Variants in TMEM132D observed in about 807,000 individuals in gnomAD.
TMEM132D encodes the protein transmembrane protein 132D.
Under a neutral mutation model 62.3 loss-of-function variants are expected in TMEM132D, and 21 were observed. The observed-to-expected ratio is 0.34, with a 90% confidence interval of 0.24 to 0.49. The LOEUF (loss-of-function observed/expected upper bound fraction) is 0.49, where lower values mean the gene tolerates loss of function less well. Among genes scored for constraint, TMEM132D ranks in the 20% least tolerant of loss-of-function variants. The pLI is 0.99. For missense variants in TMEM132D, 1,346 were observed against 1,402.8 expected (o/e 0.96, Z 0.65); for synonymous variants, 621 against 575.6 (o/e 1.08, Z -1.13).
At chr12:129,179,141 A>G (rs1877992065) in intron 5 of TMEM132D, among the ~76,000 whole-genome samples, 1 of 152,194 alleles carries the variant, frequency 6.6e-6, no homozygotes, top group Non-Finnish European at 1.5e-5. Context: ...CAGCGTACAG[A>G]AACGGGATGT....
At chr12:129,778,662 G>A (rs1168656408) in intron 1 of TMEM132D, among the ~76,000 whole-genome samples, 1 of 152,250 alleles carries the variant, frequency 6.6e-6, no homozygotes, top group African/African-American at 2.4e-5. Context: ...TGGAATTGGT[G>A]ACTGTAAACA....
At chr12:129,425,638 C>T (rs1055265420) in intron 3 of TMEM132D, among the ~76,000 whole-genome samples, 1 of 152,148 alleles carries the variant, frequency 6.6e-6, no homozygotes, top group Non-Finnish European at 1.5e-5. Context: ...GAATGTTGCT[C>T]CTATCTGACA....
chr12:129,524,920 C>CTTTTTTTTTTTTTTTTTTT (rs761892015), intron 3 of TMEM132D, among the ~76,000 whole-genome samples: 1 of 92,170 alleles, frequency 1.1e-5, no homozygotes, highest in Non-Finnish European at 2.0e-5. Context: ...ATATTTTTTT[C>CTTTTTTTTTTTTTTTTTTT]TTTTTTCTTT....
intron 3 of TMEM132D, among the ~76,000 whole-genome samples, chr12:129,462,614 G>C (rs1332445101): frequency 6.6e-6 from 1 of 152,124 alleles, no homozygotes; most frequent in Non-Finnish European, 1.5e-5. Context: ...CTATTGTGGG[G>C]GGAGAAGTAT....
At chr12:129,818,553 G>C (rs1353183762) in intron 1 of TMEM132D, among the ~76,000 whole-genome samples, 2 of 147,744 alleles carry the variant, frequency 1.4e-5, no homozygotes, top group Non-Finnish European at 3.0e-5. Context: ...TATGTGTGTG[G>C]TGAGGTGTAT....
intron 1 of TMEM132D, among the ~76,000 whole-genome samples, chr12:129,736,911 G>A (rs1391460787): frequency 1.3e-5 from 2 of 149,790 alleles, no homozygotes; most frequent in African/African-American, 4.9e-5. Context: ...TCTGCCACCC[G>A]GGCTCAAGCG....
chr12:129,790,661 G>A (rs1944139106), intron 1 of TMEM132D, among the ~76,000 whole-genome samples: 1 of 152,106 alleles, frequency 6.6e-6, no homozygotes, highest in Non-Finnish European at 1.5e-5. Flanking sequence ...TTTGGAAAAG[G>A]CAACATTTGA....
intron 4 of TMEM132D, among the ~76,000 whole-genome samples, chr12:129,250,936 T>C (rs1383146899): frequency 2.0e-5 from 3 of 152,230 alleles, no homozygotes; most frequent in Non-Finnish European, 4.4e-5. Flanking sequence ...TACGGTGGTA[T>C]TGTGTATAAT....
intron 3 of TMEM132D, among the ~76,000 whole-genome samples, chr12:129,425,073 C>T (rs1004178241): frequency 7.2e-5 from 11 of 152,158 alleles, no homozygotes; most frequent in African/African-American, 2.7e-4. Flanking sequence ...TGAGGTCACC[C>T]ATGTCAAAGG....
chr12:129,086,442 T>A (rs187981373), intron 5 of TMEM132D, among the ~76,000 whole-genome samples: 1 of 152,232 alleles, frequency 6.6e-6, no homozygotes, highest in East Asian at 1.9e-4. Flanking sequence ...TATTCCACAC[T>A]CTTTGTCCAT....
At chr12:129,492,513 A>G (rs1208198835) in intron 3 of TMEM132D, among the ~76,000 whole-genome samples, 1 of 152,186 alleles carries the variant, frequency 6.6e-6, no homozygotes, top group African/African-American at 2.4e-5. Context: ...TGTAGCCCCC[A>G]TTCTCTAAAT....
At chr12:129,826,688 C>T (rs1011415510) in intron 1 of TMEM132D, among the ~76,000 whole-genome samples, 6 of 152,148 alleles carry the variant, frequency 3.9e-5, no homozygotes, top group Non-Finnish European at 8.8e-5. Context: ...AGCCAACAGA[C>T]AGGGATTGGA....
intron 3 of TMEM132D, among the ~76,000 whole-genome samples, chr12:129,353,605 G>A (rs759231428): frequency 7.2e-5 from 11 of 152,116 alleles, no homozygotes; most frequent in Non-Finnish European, 1.6e-4. Flanking sequence ...TTTGCTTGGA[G>A]GACAAAGTGC....
At chr12:129,310,870 A>G (rs1231391870) in intron 4 of TMEM132D, among the ~76,000 whole-genome samples, 1 of 152,186 alleles carries the variant, frequency 6.6e-6, no homozygotes, top group Middle Eastern at 3.2e-3. Context: ...GAACAGACAG[A>G]TGGAATTTGT....
chr12:129,751,767 G>T (rs574893866), intron 1 of TMEM132D, among the ~76,000 whole-genome samples: 1 of 152,104 alleles, frequency 6.6e-6, no homozygotes, highest in Non-Finnish European at 1.5e-5. Context: ...TTGCAACTTC[G>T]CTACAAACAC....
At chr12:129,105,993 G>A (rs111332560) in intron 5 of TMEM132D, among the ~76,000 whole-genome samples, 4 of 151,632 alleles carry the variant, frequency 2.6e-5, no homozygotes, top group African/African-American at 7.3e-5. Context: ...CACTATTCAC[G>A]ATAGCAAAGA....
At position 129,838,675 on chromosome 12, in the gene TMEM132D, T is replaced by G. The variant is rs547643834; in HGVS notation, c.79+64586A>C. Among the ~76,000 whole-genome samples the G allele has an allele frequency of 2.2e-4, 33 of 152,234 alleles. No homozygotes were observed. The South Asian group carries it at 3.9e-3, about 18-fold the overall frequency. ...ATCAAAAAGAGAAATACCCTAACAT[T>G]GAAAAATAGTATTCATAGGATATGA... On this transcript the variant is annotated intron_variant, in intron 1 of 8. Coordinates refer to ENST00000422113, the MANE Select transcript of TMEM132D (RefSeq NM_133448.3).
chr12:129,222,444 T>C (rs1268772291), intron 4 of TMEM132D, among the ~76,000 whole-genome samples: 1 of 152,198 alleles, frequency 6.6e-6, no homozygotes, highest in Non-Finnish European at 1.5e-5. Context: ...GTTATAAAGG[T>C]CTTCCCCCAT....
rs568180724 is a variant in TMEM132D, at chr12:129,115,717, A to G, written c.1444-31015T>C. On this transcript the variant is annotated intron_variant, in intron 5 of 8. Transcript: ENST00000422113. ...GTCACGACAAGTAAGCCCTGCTCCT[A>G]CGCCAGTGGAAGCCAGGGCCTGTAA... 2.1e-4 allele frequency among the ~76,000 whole-genome samples: 32 copies of G among 152,348 alleles called. No homozygotes were observed. In the South Asian group the frequency reaches 6.4e-3, roughly 31 times the overall value.
Sources: gnomAD v4.1 joint callset for allele counts (sites outside exome capture counted in the v4.1 genomes callset) on GRCh38, gnomAD v4.1.1 for gene constraint, MANE v1.5 for transcripts, NCBI Gene and HGNC (gene_info 2026-07-23, HGNC 2026-07-21) for gene names.